UBAP1: variants seen among roughly 807,000 people sequenced by gnomAD.
UBAP1 encodes the protein ubiquitin-associated protein 1.
In UBAP1, 5 loss-of-function variants were observed where a neutral mutation model predicts 39.0. The ratio of observed to expected loss-of-function variants is 0.13; its 90% CI spans 0.07 to 0.27. The LOEUF (loss-of-function observed/expected upper bound fraction) is 0.27, where lower values mean the gene tolerates loss of function less well. Among genes scored for constraint, UBAP1 ranks in the 10% least tolerant of loss-of-function variants. The pLI is 1.00. For synonymous variants in UBAP1, 211 were observed against 225.1 expected, an observed-to-expected ratio of 0.94 and a Z score of 0.56; for missense variants, 490 against 608.1, an observed-to-expected ratio of 0.81 and a Z score of 2.04.
In UBAP1 at chr9:34,231,645, T is replaced by TG. The variant is rs547495682; in HGVS notation, c.35-2571_35-2570insG. Among the ~76,000 whole-genome samples, 228 of 132,012 alleles carry TG rather than the reference T, an allele frequency of 1.7e-3. 4 individuals carry two copies. In the East Asian group the frequency reaches 0.042, roughly 25 times the overall value. 86.6% of individuals were successfully genotyped at this position (132,012 alleles called of 152,430 possible). ...CACTCAAAATTTTTTTGTTTTTTTTTTTTGTTTGTTTGTTTTTGAGATAGA... is the reference window on the plus strand; with the variant it reads ...CACTCAAAATTTTTTTGTTTTTTTTTGTTTGTTTGTTTGTTTTTGAGATAGA... On this transcript the variant is annotated intron_variant, in intron 2 of 6. Transcript: ENST00000297661.
chr9:34,215,896 T>C (rs1832284515), intron 1 of UBAP1, among the ~76,000 whole-genome samples: 1 of 152,024 alleles, frequency 6.6e-6, no homozygotes, highest in Admixed American at 6.6e-5. Context: ...GAAAAATCTT[T>C]ATGTGCCCAA....
rs775749448 is a variant in UBAP1, at chr9:34,250,868, A to G, written c.1368+109A>G. The G allele has an allele frequency of 5.6e-6, 5 of 884,962 alleles. No individual in the cohort carries two copies. The South Asian group carries it at 6.9e-5, about 12-fold the overall frequency. 54.8% of individuals were successfully genotyped at this position (884,962 alleles called of 1,614,324 possible). A position where few individuals can be genotyped will look rare whatever the true frequency, so the allele number is the denominator to read the frequency against. Reference sequence around the variant, plus strand: ...CAACCTTTTTGCTTTGCCAGTGACTACAGGTACAAGTATTTGAAGGGCAGA... The same window carrying G: ...CAACCTTTTTGCTTTGCCAGTGACTGCAGGTACAAGTATTTGAAGGGCAGA... On this transcript the variant is annotated intron_variant, in intron 6 of 6. Transcript: ENST00000297661.
intron 2 of UBAP1, chr9:34,224,035 C>G: frequency 1.9e-6 from 1 of 525,202 alleles, no homozygotes; most frequent in Non-Finnish European, 3.4e-6. Context: ...CCAACTCCTT[C>G]CCCTCTAGCA....
Position 34,233,303 on chromosome 9 carries a change from C to T in UBAP1, c.35-913C>T, listed in dbSNP as rs542198265. On this transcript the variant is annotated intron_variant, in intron 2 of 6. Coordinates refer to ENST00000297661, the MANE Select transcript of UBAP1 (RefSeq NM_016525.5). ...GTGGCGCGATCTCGGCTGACTGCAA[C>T]CTCCGTCTCCTGGGTTCAAGCGATT... Among the ~76,000 whole-genome samples the T allele has an allele frequency of 2.0e-5, 3 of 150,888 alleles. No individual in the cohort carries two copies. In the East Asian group the frequency reaches 5.9e-4, roughly 30 times the overall value.
intron 2 of UBAP1, among the ~76,000 whole-genome samples, chr9:34,228,941 C>A (rs1833261289): frequency 6.6e-6 from 1 of 152,016 alleles, no homozygotes; most frequent in Non-Finnish European, 1.5e-5. Context: ...TTCCAGTAAT[C>A]ACTGAACTAT....
intron 1 of UBAP1, among the ~76,000 whole-genome samples, chr9:34,185,584 G>A (rs1189774414): frequency 6.6e-6 from 1 of 151,806 alleles, no homozygotes; most frequent in Non-Finnish European, 1.5e-5. Context: ...TGTGGGTCAT[G>A]CCTGTAATCC....
At position 34,204,744 on chromosome 9, in the gene UBAP1, CTCTTG is replaced by C. The variant is rs570614630; in HGVS notation, c.-7-16159_-7-16155del. Among the ~76,000 whole-genome samples the C allele has an allele frequency of 4.6e-3, 701 of 152,052 alleles. 1 individual carries two copies. Among genetic ancestry groups the C allele is most frequent in the Non-Finnish European group, 8.2e-3 (559 of 67,988 alleles). ...ACAAGTCTTTTAATTGCCTCAGGTGCTCTTGTCTTTCTTGCCTTCTGGTATGAATT... is the reference window on the plus strand; with the variant it reads ...ACAAGTCTTTTAATTGCCTCAGGTGCTCTTTCTTGCCTTCTGGTATGAATT... On this transcript the variant is annotated intron_variant, in intron 1 of 6. Transcript: ENST00000297661.
chr9:34,225,454 A>C (rs1396153961), intron 2 of UBAP1, among the ~76,000 whole-genome samples: 1 of 152,084 alleles, frequency 6.6e-6, no homozygotes, highest in Non-Finnish European at 1.5e-5. Flanking sequence ...AGTTTGGATA[A>C]GGACTTTCTT....
At position 34,249,828 on chromosome 9, in the gene UBAP1, G is replaced by A. The variant is rs1229178992; in HGVS notation, c.1133G>A (p.Cys378Tyr). The A allele has an allele frequency of 1.4e-5, 23 of 1,614,042 alleles. No individual in the cohort carries two copies. Among genetic ancestry groups the A allele is most frequent in the Non-Finnish European group, 1.9e-5 (23 of 1,180,038 alleles). ...SVSQVPNMPS[C>Y]PQAYSELQML... Reference sequence around the variant, plus strand: ...TCACAAGTGCCCAACATGCCCAGCTGTCCCCAGGCCTATTCTGAACTGCAG... The same window carrying A: ...TCACAAGTGCCCAACATGCCCAGCTATCCCCAGGCCTATTCTGAACTGCAG... Residue 378 changes from cysteine to tyrosine, a missense_variant, in exon 5 of 7, where the codon TGT becomes TAT. Physicochemically the swap from Cys to Tyr is radical, Grantham distance 194. This residue lies in a region of UBAP1 where 339 missense variants were observed against 390.0 expected (regional missense o/e 0.87). Coordinates refer to ENST00000297661, the MANE Select transcript of UBAP1 (RefSeq NM_016525.5).
Position 34,215,385 on chromosome 9 carries a change from A to C in UBAP1, c.-7-5523A>C, listed in dbSNP as rs531480479. The stretch of plus-strand genomic sequence containing the variant: ...TAAAAAGGAATGAATTAGCATTTGC[A>C]GTGACTTGGATGAGATTGGAGACTG... On this transcript the variant is annotated intron_variant, in intron 1 of 6. Coordinates refer to ENST00000297661, the MANE Select transcript of UBAP1 (RefSeq NM_016525.5). Among the ~76,000 whole-genome samples the C allele has an allele frequency of 4.6e-5, 7 of 152,196 alleles. No individual in the cohort carries two copies. The South Asian group carries it at 1.5e-3, about 32-fold the overall frequency.
Position 34,233,225 on chromosome 9 carries a change from C to CTT in UBAP1, c.35-978_35-977dup, listed in dbSNP as rs59367501. On this transcript the variant is annotated intron_variant, in intron 2 of 6. Coordinates refer to ENST00000297661, the MANE Select transcript of UBAP1 (RefSeq NM_016525.5). Reference sequence around the variant, plus strand: ...TTAAGCTAGAGTAATTCTTTCTCTTCTTTTTTTTTTTTTTGAGACAGAGTC... The same window carrying CTT: ...TTAAGCTAGAGTAATTCTTTCTCTTCTTTTTTTTTTTTTTTTGAGACAGAGTC... Among the ~76,000 whole-genome samples the CTT allele has an allele frequency of 2.4e-3, 347 of 141,880 alleles. 9 individuals are homozygous for CTT. Among genetic ancestry groups the CTT allele is most frequent in the East Asian group, 0.02 (99 of 4,922 alleles). The allele number at this position is 141,880 out of a possible 152,430, so 93.1% of individuals were successfully genotyped here.
intron 4 of UBAP1, among the ~76,000 whole-genome samples, chr9:34,247,896 C>A (rs79606615): frequency 0.011 from 1,743 of 152,262 alleles, 40 homozygotes; most frequent in African/African-American, 0.039. Context: ...ATTATTTCTT[C>A]AGACTAGTTT....
intron 3 of UBAP1, 104 bp downstream of exon 3, chr9:34,234,444 T>C: frequency 7.4e-7 from 1 of 1,355,264 alleles, no homozygotes; most frequent in Non-Finnish European, 1.0e-6. Flanking sequence ...AGCTGAATCA[T>C]GTTTTGGTCA....
At chr9:34,181,712 G>A (rs1214413426) in intron 1 of UBAP1, among the ~76,000 whole-genome samples, 6 of 146,828 alleles carry the variant, frequency 4.1e-5, no homozygotes, top group Non-Finnish European at 7.4e-5. Flanking sequence ...GATTACAGGC[G>A]TGAGCCACCG....
intron 4 of UBAP1, among the ~76,000 whole-genome samples, chr9:34,247,850 A>G (rs1834258179): frequency 6.6e-6 from 1 of 152,128 alleles, no homozygotes; most frequent in Non-Finnish European, 1.5e-5. Context: ...GTTGAGATGG[A>G]TATATTCCTA....
intron 4 of UBAP1, among the ~76,000 whole-genome samples, chr9:34,243,991 A>T (rs1157566092): frequency 6.6e-6 from 1 of 152,046 alleles, no homozygotes; most frequent in African/African-American, 2.4e-5. Context: ...CAGGGATTAC[A>T]GGCGCCTGCC....
At chr9:34,193,469 G>A (rs540414176) in intron 1 of UBAP1, among the ~76,000 whole-genome samples, 4 of 152,064 alleles carry the variant, frequency 2.6e-5, no homozygotes, top group African/African-American at 9.6e-5. Flanking sequence ...ACACCAGCTC[G>A]GTGTTCTCCA....
At chr9:34,200,128 G>A (rs1831287338) in intron 1 of UBAP1, among the ~76,000 whole-genome samples, 1 of 152,110 alleles carries the variant, frequency 6.6e-6, no homozygotes, top group African/African-American at 2.4e-5. Flanking sequence ...GGTTTTGTCT[G>A]CTGTTTTCCT....
At chr9:34,182,633 TTCTTTCTTTC>T (rs1262682206) in intron 1 of UBAP1, among the ~76,000 whole-genome samples, 2 of 57,910 alleles carry the variant, frequency 3.5e-5, no homozygotes, top group African/African-American at 8.7e-5. Flanking sequence ...CTTTCTTTCT[TTCTTTCTTTC>T]TTTCTTTCTT....
Sources: gnomAD v4.1 joint callset for allele counts (sites outside exome capture counted in the v4.1 genomes callset) on GRCh38, gnomAD v4.1.1 for gene constraint, gnomAD v4.1.1 regional missense constraint, MANE v1.5 for transcripts, NCBI Gene and HGNC (gene_info 2026-07-23, HGNC 2026-07-21) for gene names.